TTLL5: variants seen among roughly 807,000 people sequenced by gnomAD.
The protein encoded by TTLL5 is tubulin polyglutamylase TTLL5.
In TTLL5, 132 loss-of-function variants were observed where a neutral mutation model predicts 168.4. The observed-to-expected ratio is 0.78, with a 90% CI of 0.68 to 0.91. TTLL5 has a LOEUF of 0.91. Among genes scored for constraint, TTLL5 ranks in the 40% least tolerant of loss-of-function variants. The probability of loss-of-function intolerance (pLI) is 0.00; values close to 1 mark genes in which losing one functional copy is unlikely to be tolerated. For synonymous variants in TTLL5, 546 were observed against 558.6 expected (o/e 0.98, Z 0.32); for missense variants, 1,545 against 1,581.5 (o/e 0.98, Z 0.39).
intron 27 of TTLL5, among the ~76,000 whole-genome samples, chr14:75,819,562 G>A (rs768459841): frequency 3.7e-4 from 56 of 151,988 alleles, no homozygotes; most frequent in Non-Finnish European, 6.2e-4. Flanking sequence ...TCTCCTAACC[G>A]TCTTTTTTCT....
chr14:75,681,987 C>G (rs755344053), intron 4 of TTLL5, among the ~76,000 whole-genome samples: 1 of 151,732 alleles, frequency 6.6e-6, no homozygotes, highest in Non-Finnish European at 1.5e-5. Flanking sequence ...GTCAGGAGAT[C>G]GAGACCATCC....
rs182215209 is a variant in TTLL5, at chr14:75,694,701, T to C, written c.502+4379T>C. Among the ~76,000 whole-genome samples, 19 of 152,332 alleles carry C rather than the reference T, an allele frequency of 1.2e-4. No individual in the cohort carries two copies. The East Asian group carries it at 3.5e-3, about 28-fold the overall frequency. On this transcript the variant is annotated intron_variant, in intron 6 of 31. Coordinates refer to ENST00000298832, the MANE Select transcript of TTLL5 (RefSeq NM_015072.5). ...TGAAGCCATGGCAGAGTAACATAAATTGTGAAGATTTCATGGATGTTTATT... is the reference window on the plus strand; with the variant it reads ...TGAAGCCATGGCAGAGTAACATAAACTGTGAAGATTTCATGGATGTTTATT...
intron 31 of TTLL5, among the ~76,000 whole-genome samples, chr14:75,914,848 C>T (rs1410025551): frequency 1.3e-5 from 2 of 152,128 alleles, no homozygotes; most frequent in African/African-American, 2.4e-5. Context: ...TGGTCTCGAT[C>T]TCCTGACCTC....
chr14:75,778,486 T>C (rs1158650345), intron 23 of TTLL5, among the ~76,000 whole-genome samples: 1 of 152,222 alleles, frequency 6.6e-6, no homozygotes, highest in Non-Finnish European at 1.5e-5. Context: ...GTTTGCACCC[T>C]CAGCTGTAGA....
chr14:75,837,614 A>G (rs1895941081), intron 28 of TTLL5, among the ~76,000 whole-genome samples: 1 of 152,010 alleles, frequency 6.6e-6, no homozygotes, highest in African/African-American at 2.4e-5. Flanking sequence ...CCCTCCCCCC[A>G]ACGCCTGGAC....
Position 75,745,187 on chromosome 14 carries a change from G to C in TTLL5, c.1374G>C (p.Val458=). Reference sequence around the variant, plus strand: ...GGCCAGGGAAGTTGGGTGGTTCTGTGCTTGGTCTGTCAATGGAGGAGGTAA... The same window carrying C: ...GGCCAGGGAAGTTGGGTGGTTCTGTCCTTGGTCTGTCAATGGAGGAGGTAA... ...EKGPGKLGGS[V]LGLSMEEIKV... is the part of the protein sequence containing the mutation. Residue 458 remains valine (V), a synonymous_variant, in exon 16 of 32, where the codon GTG becomes GTC. Coordinates refer to ENST00000298832, the MANE Select transcript of TTLL5 (RefSeq NM_015072.5). 6.2e-7 allele frequency: 1 copy of C among 1,613,972 alleles called. No individual in the cohort carries two copies. Among genetic ancestry groups the C allele is most frequent in the Non-Finnish European group, 8.5e-7 (1 of 1,179,902 alleles).
Position 75,766,138 on chromosome 14 carries a change from T to C in TTLL5, c.1785T>C (p.Asn595=). The C allele has an allele frequency of 6.2e-7, 1 of 1,614,054 alleles. No homozygotes were observed. The highest frequency in any genetic ancestry group is 2.2e-5 in the East Asian group (1 of 44,856). ...AGGAGGAAGAAGTCGCATTAGATAA[T>C]GAAGATGAAGAACAGGAGGCTTCCC... The part of the protein sequence containing the change: ...SEEEEEVALD[N]EDEEQEASQE... Residue 595 remains asparagine, a synonymous_variant, in exon 20 of 32, where the codon AAT becomes AAC. Coordinates refer to ENST00000298832, the MANE Select transcript of TTLL5 (RefSeq NM_015072.5).
chr14:75,817,830 CTTTTTTTTTTTTT>C (rs1045988787), intron 27 of TTLL5, among the ~76,000 whole-genome samples: 30 of 83,870 alleles, frequency 3.6e-4, no homozygotes, highest in East Asian at 2.0e-3. Flanking sequence ...CTTTTCTTTT[CTTTTTTTTTTTTT>C]TTTTTTTTTT....
intron 28 of TTLL5, among the ~76,000 whole-genome samples, chr14:75,846,372 G>T (rs1031175908): frequency 3.3e-5 from 5 of 152,206 alleles, no homozygotes; most frequent in Non-Finnish European, 5.9e-5. Flanking sequence ...TCACACAGGT[G>T]TTGGTCAATC....
At chr14:75,914,824 T>C (rs543631286) in intron 31 of TTLL5, among the ~76,000 whole-genome samples, 3 of 152,236 alleles carry the variant, frequency 2.0e-5, no homozygotes, top group South Asian at 4.2e-4. Context: ...GGAGCTTCAC[T>C]GTGTTAGCCA....
At chr14:75,895,715 C>T (rs991228611) in intron 30 of TTLL5, among the ~76,000 whole-genome samples, 7 of 151,534 alleles carry the variant, frequency 4.6e-5, no homozygotes, top group African/African-American at 1.7e-4. Flanking sequence ...ATTTAAAAGA[C>T]AAGAAGGATT....
Position 75,954,525 on chromosome 14 carries a change from A to C in TTLL5, c.*79A>C. 6 of 1,534,310 alleles carry C rather than the reference A, an allele frequency of 3.9e-6. No homozygotes were observed. The highest frequency in any genetic ancestry group is 5.4e-6 in the Non-Finnish European group (6 of 1,115,934). On this transcript the variant is annotated 3_prime_UTR_variant, in exon 32 of 32. Transcript: ENST00000298832. ...GGGTGAAGCATCCACCAGCACTTCAAGGGGTCCATAGTATTTTTTTTTTTG... is the reference window on the plus strand; with the variant it reads ...GGGTGAAGCATCCACCAGCACTTCACGGGGTCCATAGTATTTTTTTTTTTG...
At chr14:75,682,380 G>C (rs1884690072) in intron 4 of TTLL5, among the ~76,000 whole-genome samples, 1 of 152,136 alleles carries the variant, frequency 6.6e-6, no homozygotes, top group South Asian at 2.1e-4. Flanking sequence ...CAGATGGGGA[G>C]AGGCCTGCAT....
intron 28 of TTLL5, among the ~76,000 whole-genome samples, chr14:75,850,490 G>T (rs1179134880): frequency 6.8e-6 from 1 of 148,102 alleles, no homozygotes; most frequent in Non-Finnish European, 1.5e-5. Flanking sequence ...TTAAGTTTCT[G>T]GGACTCTGTC....
At chr14:75,795,427 T>A (rs975518073) in intron 27 of TTLL5, among the ~76,000 whole-genome samples, 1 of 152,054 alleles carries the variant, frequency 6.6e-6, no homozygotes, top group African/African-American at 2.4e-5. Context: ...GTACATACGA[T>A]TTTTTTTATT....
At chr14:75,897,370 G>A (rs1469109059) in intron 30 of TTLL5, among the ~76,000 whole-genome samples, 1 of 152,194 alleles carries the variant, frequency 6.6e-6, no homozygotes, top group Non-Finnish European at 1.5e-5. Context: ...ATTCTTTGTT[G>A]CTACTATATG....
chr14:75,839,536 A>C (rs1430722310), intron 28 of TTLL5, among the ~76,000 whole-genome samples: 2 of 152,172 alleles, frequency 1.3e-5, no homozygotes, highest in Non-Finnish European at 2.9e-5. Flanking sequence ...GACAGAAGGC[A>C]CCTCTTCACA....
chr14:75,747,595 C>G (rs1316625064), intron 17 of TTLL5, among the ~76,000 whole-genome samples: 2 of 151,010 alleles, frequency 1.3e-5, no homozygotes, highest in African/African-American at 2.4e-5. Flanking sequence ...CTTTTTCAGG[C>G]TTATTTTTAA....
chr14:75,929,601 C>G (rs1468328929), intron 31 of TTLL5, among the ~76,000 whole-genome samples: 1 of 151,878 alleles, frequency 6.6e-6, no homozygotes, highest in Admixed American at 6.6e-5. Context: ...TACAGGTGCC[C>G]ACTACCACAC....
Sources: allele counts gnomAD v4.1 joint callset (sites outside exome capture counted in the v4.1 genomes callset), GRCh38; gene constraint gnomAD v4.1.1; transcripts MANE v1.5; gene names NCBI Gene and HGNC (gene_info 2026-07-23, HGNC 2026-07-21).